RIMS1: variants seen among roughly 807,000 people sequenced by gnomAD.
RIMS1 encodes regulating synaptic membrane exocytosis protein 1.
Under a neutral mutation model 214.1 loss-of-function variants are expected in RIMS1, and 83 were observed. That is an observed-to-expected ratio of 0.39 (90% CI 0.32 to 0.47). The LOEUF (loss-of-function observed/expected upper bound fraction) is 0.47, where lower values mean the gene tolerates loss of function less well. Ranked by LOEUF, RIMS1 falls within the 20% of genes least tolerant of loss-of-function variation. The probability of loss-of-function intolerance (pLI) is 0.99; values close to 1 mark genes in which losing one functional copy is unlikely to be tolerated. For missense variants in RIMS1, 2,050 were observed against 2,161.8 expected, an observed-to-expected ratio of 0.95 and a Z score of 1.03; for synonymous variants, 793 against 786.8, an observed-to-expected ratio of 1.01 and a Z score of -0.13.
intron 2 of RIMS1, among the ~76,000 whole-genome samples, chr6:72,078,555 A>C (rs1832481446): frequency 6.6e-6 from 1 of 152,192 alleles, no homozygotes; most frequent in Non-Finnish European, 1.5e-5. Context: ...TACTATGCAG[A>C]GACTAGTGCC....
chr6:71,917,324 G>T (rs908374784), intron 1 of RIMS1, among the ~76,000 whole-genome samples: 1 of 152,272 alleles, frequency 6.6e-6, no homozygotes, highest in Non-Finnish European at 1.5e-5. Flanking sequence ...AGGTAGGATT[G>T]TCAGGAAAGC....
In RIMS1 at chr6:72,251,097, T is replaced by C; in HGVS notation, c.2544+5T>C. On this transcript the variant is annotated splice_donor_5th_base_variant and intron_variant, in intron 14 of 33. Coordinates refer to ENST00000521978, the MANE Select transcript of RIMS1 (RefSeq NM_014989.7). Reference sequence around the variant, plus strand: ...GAAAGTGAATTTCTTGGAGAGGTGATGTATATTTTAAAAACTCAAGTCAAA... The same window carrying C: ...GAAAGTGAATTTCTTGGAGAGGTGACGTATATTTTAAAAACTCAAGTCAAA... The C allele has an allele frequency of 6.4e-7, 1 of 1,573,964 alleles. No homozygotes were observed. Among genetic ancestry groups the C allele is most frequent in the Non-Finnish European group, 8.6e-7 (1 of 1,158,770 alleles).
At chr6:72,264,504 C>CT (rs1481268274) in intron 19 of RIMS1, among the ~76,000 whole-genome samples, 4 of 151,946 alleles carry the variant, frequency 2.6e-5, no homozygotes, top group Non-Finnish European at 5.9e-5. Flanking sequence ...TTGCTGCAGT[C>CT]TGGTACTATG....
At chr6:72,273,823 G>A (rs1312540273) in intron 22 of RIMS1, among the ~76,000 whole-genome samples, 3 of 152,036 alleles carry the variant, frequency 2.0e-5, no homozygotes, top group East Asian at 1.9e-4. Flanking sequence ...TTCATGTCAC[G>A]GTTTCAACAC....
At chr6:72,128,641 GA>G (rs1358057772) in intron 4 of RIMS1, among the ~76,000 whole-genome samples, 1 of 152,092 alleles carries the variant, frequency 6.6e-6, no homozygotes, top group Non-Finnish European at 1.5e-5. Flanking sequence ...CTATTGTACA[GA>G]AAAAATAAGA....
At chr6:72,340,657 C>T (rs1043209830) in intron 29 of RIMS1, among the ~76,000 whole-genome samples, 11 of 152,034 alleles carry the variant, frequency 7.2e-5, no homozygotes, top group Middle Eastern at 3.2e-3. Flanking sequence ...TGTTTTGGTA[C>T]CAGTACCATG....
chr6:72,065,001 A>G (rs1828924400), intron 2 of RIMS1, among the ~76,000 whole-genome samples: 1 of 152,222 alleles, frequency 6.6e-6, no homozygotes, highest in Non-Finnish European at 1.5e-5. Context: ...AGAGAGCAAT[A>G]GTATGAAGGT....
intron 2 of RIMS1, among the ~76,000 whole-genome samples, chr6:71,976,992 T>C (rs1797312956): frequency 6.6e-6 from 1 of 152,158 alleles, no homozygotes; most frequent in Admixed American, 6.6e-5. Context: ...GACTTTAAGC[T>C]CTGCATACTA....
chr6:72,286,181 G>C (rs978039523), intron 24 of RIMS1, among the ~76,000 whole-genome samples: 10 of 148,848 alleles, frequency 6.7e-5, no homozygotes, highest in Non-Finnish European at 1.2e-4. Flanking sequence ...TGGGCAAGAA[G>C]AGCAAAACTC....
At chr6:72,380,993 A>G (rs895990866) in intron 29 of RIMS1, among the ~76,000 whole-genome samples, 5 of 151,870 alleles carry the variant, frequency 3.3e-5, no homozygotes, top group Non-Finnish European at 5.9e-5. Context: ...AATAAAATCC[A>G]CTCCCTAAAT....
At chr6:72,213,935 A>G (rs952349371) in intron 6 of RIMS1, among the ~76,000 whole-genome samples, 3 of 152,192 alleles carry the variant, frequency 2.0e-5, no homozygotes, top group Non-Finnish European at 4.4e-5. Flanking sequence ...CAGAAGAAGG[A>G]TATATATAGC....
At chr6:72,057,799 G>A (rs114582586) in intron 2 of RIMS1, among the ~76,000 whole-genome samples, 2,577 of 152,232 alleles carry the variant, frequency 0.017, 74 homozygotes, top group African/African-American at 0.049. Flanking sequence ...GAGACACCAC[G>A]CCCAGCCCCA....
intron 2 of RIMS1, among the ~76,000 whole-genome samples, chr6:72,078,930 C>G (rs1202174037): frequency 6.6e-6 from 1 of 152,036 alleles, no homozygotes; most frequent in Non-Finnish European, 1.5e-5. Flanking sequence ...ACATACTAAG[C>G]ATTTAACATA....
At chr6:72,243,080 G>A (rs1186619465) in intron 10 of RIMS1, among the ~76,000 whole-genome samples, 2 of 151,540 alleles carry the variant, frequency 1.3e-5, no homozygotes, top group Non-Finnish European at 3.0e-5. Context: ...AACCCACATG[G>A]TCCAAAATAA....
chr6:72,187,354 A>G (rs1471804993), intron 6 of RIMS1, among the ~76,000 whole-genome samples: 1 of 152,132 alleles, frequency 6.6e-6, no homozygotes, highest in Non-Finnish European at 1.5e-5. Context: ...AATGGCGGGT[A>G]GATTATCTTG....
intron 1 of RIMS1, among the ~76,000 whole-genome samples, chr6:71,960,039 T>C (rs1172665780): frequency 6.6e-6 from 1 of 152,138 alleles, no homozygotes; most frequent in African/African-American, 2.4e-5. Flanking sequence ...TGTTTTCCTG[T>C]TTTGTTGTTT....
intron 4 of RIMS1, among the ~76,000 whole-genome samples, chr6:72,150,837 T>C (rs908513492): frequency 1.3e-5 from 2 of 152,166 alleles, no homozygotes; most frequent in Non-Finnish European, 2.9e-5. Context: ...TGCTCTAAGG[T>C]GAAGGGCCAC....
At chr6:72,060,472 G>A (rs1447867531) in intron 2 of RIMS1, among the ~76,000 whole-genome samples, 1 of 152,162 alleles carries the variant, frequency 6.6e-6, no homozygotes, top group Non-Finnish European at 1.5e-5. Context: ...AGGCCTTCCT[G>A]TTCTGGCCTC....
chr6:71,897,053 T>G (rs1041584444), intron 1 of RIMS1, among the ~76,000 whole-genome samples: 1 of 152,230 alleles, frequency 6.6e-6, no homozygotes, highest in African/African-American at 2.4e-5. Context: ...ATAAATTTCT[T>G]GACTTTCTGC....
Sources: allele counts gnomAD v4.1 joint callset (sites outside exome capture counted in the v4.1 genomes callset), GRCh38; gene constraint gnomAD v4.1.1; transcripts MANE v1.5; gene names NCBI Gene and HGNC (gene_info 2026-07-23, HGNC 2026-07-21).